The following PTPRK variants were observed in gnomAD, a reference collection of about 807,000 sequenced individuals.
PTPRK encodes protein tyrosine phosphatase receptor type K, also known as receptor-type tyrosine-protein phosphatase kappa.
PTPRK carries 75 observed loss-of-function variants against 178.0 expected under a neutral mutation model. The observed-to-expected ratio is 0.42, with a 90% CI of 0.35 to 0.51. The LOEUF (loss-of-function observed/expected upper bound fraction) is 0.51. Ranked by LOEUF, PTPRK falls within the 20% of genes least tolerant of loss-of-function variation. PTPRK has a pLI of 0.02. For missense variants in PTPRK, 1,441 were observed against 1,797.8 expected, an observed-to-expected ratio of 0.80 and a Z score of 3.59; for synonymous variants, 637 against 620.6, an observed-to-expected ratio of 1.03 and a Z score of -0.39.
intron 2 of PTPRK, among the ~76,000 whole-genome samples, chr6:128,328,026 G>A (rs866544690): frequency 2.8e-4 from 43 of 152,198 alleles, no homozygotes; most frequent in African/African-American, 8.9e-4. Context: ...CAGCAAGGCA[G>A]TCACCAGGCC....
chr6:127,986,186 G>C (rs1020033645), intron 21 of PTPRK, among the ~76,000 whole-genome samples: 18 of 152,070 alleles, frequency 1.2e-4, no homozygotes, highest in African/African-American at 3.4e-4. Context: ...TAAATTATTA[G>C]GGGAAAAGAA....
chr6:128,097,798 A>G (rs1389821775), intron 7 of PTPRK, among the ~76,000 whole-genome samples: 1 of 152,178 alleles, frequency 6.6e-6, no homozygotes, highest in Non-Finnish European at 1.5e-5. Flanking sequence ...ATAAGAAGAG[A>G]ATAATCTACT....
intron 1 of PTPRK, among the ~76,000 whole-genome samples, chr6:128,511,980 G>T (rs548421703): frequency 1.8e-3 from 277 of 152,228 alleles, no homozygotes; most frequent in African/African-American, 6.4e-3. Flanking sequence ...TTTAGGAAAA[G>T]CTCTCTTCTC....
intron 3 of PTPRK, among the ~76,000 whole-genome samples, chr6:128,257,966 A>T (rs1817602544): frequency 6.6e-6 from 1 of 152,208 alleles, no homozygotes; most frequent in East Asian, 1.9e-4. Flanking sequence ...ATTTGTAAAT[A>T]GACCTAAACT....
At chr6:128,203,920 A>C (rs998747867) in intron 6 of PTPRK, among the ~76,000 whole-genome samples, 2 of 152,196 alleles carry the variant, frequency 1.3e-5, no homozygotes, top group African/African-American at 4.8e-5. Context: ...TTAGAAAAAA[A>C]CTATTTTAAA....
chr6:128,387,453 T>C (rs1289674368), intron 2 of PTPRK, among the ~76,000 whole-genome samples: 1 of 152,206 alleles, frequency 6.6e-6, no homozygotes, highest in East Asian at 1.9e-4. Context: ...ACTTTGATTG[T>C]CTTATTGGAC....
At chr6:128,127,335 C>A (rs1006731075) in intron 7 of PTPRK, among the ~76,000 whole-genome samples, 1 of 152,152 alleles carries the variant, frequency 6.6e-6, no homozygotes, top group Non-Finnish European at 1.5e-5. Flanking sequence ...AAAATAGACA[C>A]TGGGACTTAG....
intron 1 of PTPRK, among the ~76,000 whole-genome samples, chr6:128,475,921 T>C (rs564197473): frequency 1.4e-4 from 21 of 152,208 alleles, no homozygotes; most frequent in Middle Eastern, 3.4e-3. Flanking sequence ...CAAGTATTTG[T>C]GCAGTATTTA....
At chr6:128,249,982 C>T (rs762241814) in intron 3 of PTPRK, among the ~76,000 whole-genome samples, 12 of 152,126 alleles carry the variant, frequency 7.9e-5, no homozygotes, top group Non-Finnish European at 5.9e-5. Flanking sequence ...ATCATGAAGG[C>T]AGTTTCCCCC....
intron 11 of PTPRK, 66 bp from the exon 12 acceptor site, chr6:128,067,858 A>T: frequency 7.1e-7 from 1 of 1,403,776 alleles, no homozygotes; most frequent in Non-Finnish European, 9.4e-7. Context: ...TAAGATACTA[A>T]GATTTTTTTT....
At chr6:127,976,559 T>C in intron 27 of PTPRK, 98 bp downstream of exon 27, 1 of 1,408,202 alleles carries the variant, frequency 7.1e-7, no homozygotes, top group Non-Finnish European at 9.9e-7. Flanking sequence ...ATAGTGCTTA[T>C]TAATTGTAGT....
intron 1 of PTPRK, among the ~76,000 whole-genome samples, chr6:128,449,507 C>T (rs1048407734): frequency 6.6e-6 from 1 of 151,830 alleles, no homozygotes; most frequent in African/African-American, 2.4e-5. Context: ...AAAACGGAAA[C>T]CTGGATAAAA....
At chr6:128,323,392 C>T (rs1011742439) in intron 2 of PTPRK, among the ~76,000 whole-genome samples, 5 of 152,012 alleles carry the variant, frequency 3.3e-5, no homozygotes, top group Admixed American at 6.6e-5. Flanking sequence ...TGTAAAATAT[C>T]TTTTTTCTTT....
chr6:128,435,990 G>GAA (rs530420079), intron 1 of PTPRK, among the ~76,000 whole-genome samples: 54 of 131,400 alleles, frequency 4.1e-4, no homozygotes, highest in African/African-American at 1.3e-3. Flanking sequence ...TGAGAAAGAG[G>GAA]AAAAAAAAAA....
intron 1 of PTPRK, among the ~76,000 whole-genome samples, chr6:128,461,845 T>C (rs776794665): frequency 2.0e-5 from 3 of 152,240 alleles, no homozygotes; most frequent in Non-Finnish European, 2.9e-5. Flanking sequence ...TGGAATTATA[T>C]AGAACAAGGT....
chr6:128,077,153 G>A (rs1783973177), intron 11 of PTPRK, among the ~76,000 whole-genome samples: 1 of 151,994 alleles, frequency 6.6e-6, no homozygotes, highest in Non-Finnish European at 1.5e-5. Context: ...AGTAACAGAA[G>A]TGAACACCTA....
intron 3 of PTPRK, among the ~76,000 whole-genome samples, chr6:128,303,226 A>G (rs951629298): frequency 1.1e-4 from 17 of 152,234 alleles, no homozygotes; most frequent in African/African-American, 3.9e-4. Flanking sequence ...CTAAATCTGC[A>G]GGCTAACTCC....
intron 2 of PTPRK, among the ~76,000 whole-genome samples, chr6:128,363,675 G>C (rs895520636): frequency 3.3e-5 from 5 of 152,070 alleles, no homozygotes; most frequent in African/African-American, 1.2e-4. Flanking sequence ...CTGGGAATCA[G>C]TTTGCTGAAC....
At chr6:128,461,676 A>T (rs556876454) in intron 1 of PTPRK, among the ~76,000 whole-genome samples, 1 of 152,286 alleles carries the variant, frequency 6.6e-6, no homozygotes, top group African/African-American at 2.4e-5. Context: ...ACGTAGTCAG[A>T]GTTGTGCAAC....
Sources: gnomAD v4.1 joint callset for allele counts (sites outside exome capture counted in the v4.1 genomes callset) on GRCh38, gnomAD v4.1.1 for gene constraint, MANE v1.5 for transcripts, NCBI Gene and HGNC (gene_info 2026-07-23, HGNC 2026-07-21) for gene names.